The following POU2F2 variants were observed in gnomAD, a reference collection of about 807,000 sequenced individuals.
POU2F2 encodes POU class 2 homeobox 2, also known as POU domain, class 2, transcription factor 2.
Under a neutral mutation model 63.5 loss-of-function variants are expected in POU2F2, and 14 were observed. The observed-to-expected ratio is 0.22, with a 90% confidence interval of 0.15 to 0.34. The LOEUF is 0.34. Among genes scored for constraint, POU2F2 ranks in the 10% least tolerant of loss-of-function variants. The probability of loss-of-function intolerance (pLI) is 1.00; values close to 1 mark genes in which losing one functional copy is unlikely to be tolerated. For synonymous variants in POU2F2, 306 were observed against 348.6 expected, an observed-to-expected ratio of 0.88 and a Z score of 1.36; for missense variants, 607 against 815.2, an observed-to-expected ratio of 0.74 and a Z score of 3.11.
intron 2 of POU2F2, among the ~76,000 whole-genome samples, chr19:42,137,705 G>C (rs766470177): frequency 1.3e-5 from 2 of 152,142 alleles, no homozygotes; most frequent in Non-Finnish European, 2.9e-5. Context: ...GTGACAGAGA[G>C]AGACCCTGAC....
chr19:42,107,975 C>T (rs1264967874), intron 5 of POU2F2, among the ~76,000 whole-genome samples: 1 of 104,214 alleles, frequency 9.6e-6, no homozygotes, highest in Non-Finnish European at 2.1e-5. Context: ...CACCTCATAC[C>T]TTTGCTATAC....
In POU2F2 at chr19:42,117,141, G is replaced by A. The variant is rs918066703; in HGVS notation, c.369+109C>T. On this transcript the variant is annotated intron_variant, in intron 5 of 14. Coordinates refer to ENST00000692977, the MANE Select transcript of POU2F2 (RefSeq NM_001394376.1). This position sits in a 1 kb window ranked among gnomAD's most constrained non-coding sequence, Gnocchi z 4.4. ...GAGGACAGAAGAGGGCAAGAGGCAG[G>A]TGTGAGAGAGTGGCCATGGCCTTGG... The A allele has an allele frequency of 1.8e-5, 16 of 901,056 alleles. No homozygotes were observed. Among genetic ancestry groups the A allele is most frequent in the Admixed American group, 7.6e-5 (3 of 39,380 alleles). The allele number at this position is 901,056 out of a possible 1,614,324, so 55.8% of individuals were successfully genotyped here. A position where few individuals can be genotyped will look rare whatever the true frequency, so the allele number is the denominator to read the frequency against.
intron 1 of POU2F2, among the ~76,000 whole-genome samples, chr19:42,175,460 A>C (rs576248155): frequency 4.0e-4 from 61 of 152,056 alleles, no homozygotes; most frequent in Admixed American, 3.0e-3. Flanking sequence ...CAGGAAGGGA[A>C]GAATAAAAGA....
rs144907658 is a variant in POU2F2, at chr19:42,169,757, C to CGT, written c.-70+6204_-70+6205dup. On this transcript the variant is annotated intron_variant, in intron 1 of 6. Coordinates refer to the POU2F2 transcript ENST00000524801. The surrounding 1 kb of genome is among the most constrained non-coding windows in gnomAD (Gnocchi z 4.3). ...GAGTGCGCGCACACGTGTGTGTGTGCGTGTGTGTGTGTGTCGGGGTGATAT... is the reference window on the plus strand; with the variant it reads ...GAGTGCGCGCACACGTGTGTGTGTGCGTGTGTGTGTGTGTGTCGGGGTGATAT... Among the ~76,000 whole-genome samples, 11 of 151,484 alleles carry CGT rather than the reference C, an allele frequency of 7.3e-5. No homozygotes were observed. The East Asian group carries it at 1.7e-3, about 24-fold the overall frequency.
rs11671088 is a variant in POU2F2 at position 42,094,063 on chromosome 19, C to T, written c.1198-168G>A. 3.9e-4 allele frequency among the ~76,000 whole-genome samples: 60 copies of T among 152,314 alleles called. No homozygotes were observed. Among genetic ancestry groups the T allele is most frequent in the Non-Finnish European group, 7.2e-4 (49 of 68,030 alleles). On this transcript the variant is annotated intron_variant, in intron 11 of 14. Coordinates refer to ENST00000692977, the MANE Select transcript of POU2F2 (RefSeq NM_001394376.1). Reference sequence around the variant, plus strand: ...TTCTTCACACTTGCCCTAGCTGATCCTGAGCCACAAGCAGGAAGGGCTAAT... The same window carrying T: ...TTCTTCACACTTGCCCTAGCTGATCTTGAGCCACAAGCAGGAAGGGCTAAT...
intron 2 of POU2F2, among the ~76,000 whole-genome samples, chr19:42,159,783 T>A (rs1263354950): frequency 1.3e-5 from 2 of 152,174 alleles, no homozygotes; most frequent in Non-Finnish European, 2.9e-5. Context: ...AAGGAATAAG[T>A]ACTTTCATCT....
upstream of POU2F2, among the ~76,000 whole-genome samples, chr19:42,176,766 C>G (rs908910314): frequency 6.6e-6 from 1 of 151,562 alleles, no homozygotes; most frequent in Non-Finnish European, 1.5e-5. Flanking sequence ...GGCAAAGCCC[C>G]GGCGCCGGGC....
intron 5 of POU2F2, among the ~76,000 whole-genome samples, chr19:42,103,548 T>C (rs1371316661): frequency 6.6e-6 from 1 of 152,036 alleles, no homozygotes; most frequent in African/African-American, 2.4e-5. Flanking sequence ...ATGCTATTAT[T>C]CCTAAAGACC....
At chr19:42,171,087 C>T (rs1030179165) in intron 1 of POU2F2, among the ~76,000 whole-genome samples, 6 of 152,220 alleles carry the variant, frequency 3.9e-5, no homozygotes, top group Admixed American at 1.3e-4. Context: ...CAAGGGATTC[C>T]GATGTACCCT....
At chr19:42,114,880 C>A (rs1394271649) in intron 5 of POU2F2, among the ~76,000 whole-genome samples, 2 of 152,178 alleles carry the variant, frequency 1.3e-5, no homozygotes, top group Non-Finnish European at 2.9e-5. Context: ...GTGGCTCATG[C>A]CTATAATCCC....
Position 42,099,882 on chromosome 19 carries a change from T to C in POU2F2, c.370-61A>G, listed in dbSNP as rs543249632. On this transcript the variant is annotated intron_variant, in intron 5 of 14. Transcript: ENST00000692977. ...AGTCCTGGCTGGGTTTCATCCTCTC[T>C]GCATCACCTGAACCTTGAGGGGCTG... 1.6e-5 allele frequency: 22 copies of C among 1,352,104 alleles called. No homozygotes were observed. In the African/African-American group the frequency reaches 3.0e-4, roughly 19 times the overall value. The allele number at this position is 1,352,104 out of a possible 1,614,324, so 83.8% of individuals were successfully genotyped here. A position where few individuals can be genotyped will look rare whatever the true frequency, so the allele number is the denominator to read the frequency against.
At chr19:42,181,623 G>A (rs1212960905) in intron 1 of POU2F2, among the ~76,000 whole-genome samples, 1 of 151,828 alleles carries the variant, frequency 6.6e-6, no homozygotes, top group Non-Finnish European at 1.5e-5. Context: ...GCCTTGCTTT[G>A]TCACTCAGGC....
chr19:42,125,925 G>A (rs769580280), intron 1 of POU2F2, among the ~76,000 whole-genome samples: 25 of 152,172 alleles, frequency 1.6e-4, no homozygotes, highest in South Asian at 6.2e-4. Context: ...TCCCTCTCCC[G>A]TCCACAGAAC....
At chr19:42,144,042 T>A (rs181857210) in intron 2 of POU2F2, among the ~76,000 whole-genome samples, 3 of 152,340 alleles carry the variant, frequency 2.0e-5, no homozygotes, top group East Asian at 3.9e-4. Flanking sequence ...TTATGTCTCA[T>A]CCTGTCTTTT....
chr19:42,181,469 T>C (rs940924403), intron 1 of POU2F2, among the ~76,000 whole-genome samples: 2 of 152,242 alleles, frequency 1.3e-5, no homozygotes, highest in African/African-American at 4.8e-5. Context: ...TGCCTGTTCA[T>C]CTTTCAGAAA....
At chr19:42,118,562 T>G (rs2032203356) in intron 4 of POU2F2, among the ~76,000 whole-genome samples, 1 of 152,268 alleles carries the variant, frequency 6.6e-6, no homozygotes, top group Non-Finnish European at 1.5e-5. Flanking sequence ...CCTCCGCTCC[T>G]GAGGTCTGCC....
Position 42,109,701 on chromosome 19 carries a change from G to A in POU2F2, c.369+7549C>T, listed in dbSNP as rs542817878. Among the ~76,000 whole-genome samples, 5 of 152,220 alleles carry A rather than the reference G, an allele frequency of 3.3e-5. No homozygotes were observed. The South Asian group carries it at 6.2e-4, about 19-fold the overall frequency. ...TGTTACCCAAGCTGGAGTGCAGTGC[G>A]TGATTATAGCTCACTGCAGCCTTGA... On this transcript the variant is annotated intron_variant, in intron 5 of 14. Coordinates refer to ENST00000692977, the MANE Select transcript of POU2F2 (RefSeq NM_001394376.1).
chr19:42,118,640 C>T lies in POU2F2; in HGVS notation c.187-1208G>A, dbSNP rs567756828. On this transcript the variant is annotated intron_variant, in intron 4 of 14. Coordinates refer to ENST00000692977, the MANE Select transcript of POU2F2 (RefSeq NM_001394376.1). ...GCACCATACACACAGAACAGACCAG[C>T]ATAGAGCCACCCTGGCCTCCTCCAT... Among the ~76,000 whole-genome samples, 9 of 152,360 alleles carry T rather than the reference C, an allele frequency of 5.9e-5. No individual in the cohort carries two copies. In the South Asian group the frequency reaches 1.9e-3, roughly 32 times the overall value.
chr19:42,131,964 CTGTACCAGATG>C (rs1361358564), intron 1 of POU2F2, among the ~76,000 whole-genome samples: 1 of 152,126 alleles, frequency 6.6e-6, no homozygotes, highest in Non-Finnish European at 1.5e-5. Context: ...ACACGCACAC[CTGTACCAGATG>C]TGCACACACA....
Sources: gnomAD v4.1 joint callset for allele counts (sites outside exome capture counted in the v4.1 genomes callset) on GRCh38, gnomAD v4.1.1 for gene constraint, Gnocchi (gnomAD v3.1) non-coding constraint, MANE v1.5 for transcripts, NCBI Gene and HGNC (gene_info 2026-07-23, HGNC 2026-07-21) for gene names.